The following CEP41 variants were observed in gnomAD, a reference collection of about 807,000 sequenced individuals.
CEP41 encodes centrosomal protein of 41 kDa.
Under a neutral mutation model 44.3 loss-of-function variants are expected in CEP41, and 32 were observed. That is an observed-to-expected ratio of 0.72 (90% CI 0.54 to 0.97). The LOEUF (loss-of-function observed/expected upper bound fraction) is 0.97. Among genes scored for constraint, CEP41 ranks in the 50% least tolerant of loss-of-function variants. The pLI is 0.00. For synonymous variants in CEP41, 151 were observed against 168.5 expected (o/e 0.90, Z 0.80); for missense variants, 432 against 455.2 (o/e 0.95, Z 0.46).
At chr7:130,416,102 T>C (rs1489401266) in intron 3 of CEP41, among the ~76,000 whole-genome samples, 5 of 152,250 alleles carry the variant, frequency 3.3e-5, no homozygotes, top group African/African-American at 1.2e-4. Context: ...TTCTGATGTA[T>C]TCTGGATGTG....
At chr7:130,412,029 C>A in intron 4 of CEP41, 150 bp downstream of exon 4, 1 of 719,696 alleles carries the variant, frequency 1.4e-6, no homozygotes, top group South Asian at 1.6e-5. Context: ...ACACACACAC[C>A]ACATACCAAT....
intron 1 of CEP41, among the ~76,000 whole-genome samples, chr7:130,431,722 C>G (rs1161785126): frequency 6.6e-6 from 1 of 151,958 alleles, no homozygotes; most frequent in East Asian, 1.9e-4. Flanking sequence ...AGAGGGAGTA[C>G]CAACAGTTTT....
At chr7:130,404,889 G>C (rs1554417906) in intron 5 of CEP41, among the ~76,000 whole-genome samples, 181 bp from the exon 6 acceptor site, 1 of 152,136 alleles carries the variant, frequency 6.6e-6, no homozygotes, top group African/African-American at 2.4e-5. Context: ...GGCCCTTTCA[G>C]GGGATCTGCA....
intron 2 of CEP41, chr7:130,426,902 G>A (rs1797681776): frequency 4.2e-6 from 1 of 236,284 alleles, no homozygotes; most frequent in Admixed American, 5.3e-5. Context: ...CTAAGACAGA[G>A]ATAATATTTT....
chr7:130,408,174 C>T (rs548114742), intron 5 of CEP41, among the ~76,000 whole-genome samples: 56 of 152,118 alleles, frequency 3.7e-4, no homozygotes, highest in Non-Finnish European at 6.9e-4. Context: ...TTTACATGTG[C>T]TTGCATATAT....
chr7:130,441,220 C>T, upstream of CEP41: 1 of 601,028 alleles, frequency 1.7e-6, no homozygotes, highest in Admixed American at 2.2e-5. Context: ...TGGGCTGGGG[C>T]TCGCCGGCTC....
rs1554424106 is a variant in CEP41, at chr7:130,427,954, C to T, written c.97+1G>A. On this transcript the variant is annotated splice_donor_variant, in intron 2 of 10. Transcript: ENST00000223208. LOFTEE classifies it high-confidence loss of function. ...ATTCTAATTTTCTAATCTTTACTCA[C>T]CAGTGTCCAGTCTTGATTTGATATG... 6.3e-7 allele frequency: 1 copy of T among 1,593,156 alleles called. No individual in the cohort carries two copies. Among genetic ancestry groups the T allele is most frequent in the Non-Finnish European group, 8.6e-7 (1 of 1,161,206 alleles).
At chr7:130,431,703 G>C (rs1399079095) in intron 1 of CEP41, among the ~76,000 whole-genome samples, 1 of 152,174 alleles carries the variant, frequency 6.6e-6, no homozygotes, top group Non-Finnish European at 1.5e-5. Context: ...TGGAGAAAGA[G>C]TGGAGACTAG....
intron 3 of CEP41, 91 bp downstream of exon 3, chr7:130,416,828 G>T: frequency 1.0e-6 from 1 of 1,001,522 alleles, no homozygotes; most frequent in Non-Finnish European, 1.6e-6. Flanking sequence ...CTCTGTGCCT[G>T]TCACCTGTGG....
chr7:130,395,757 A>G lies in CEP41; in HGVS notation c.*3134T>C. 2.2e-6 allele frequency: 1 copy of G among 453,732 alleles called. No individual in the cohort carries two copies. The allele number at this position is 453,732 out of a possible 1,614,324, so 28.1% of individuals were successfully genotyped here. On this transcript the variant is annotated 3_prime_UTR_variant, in exon 11 of 11. Coordinates refer to ENST00000223208, the MANE Select transcript of CEP41 (RefSeq NM_018718.3). ...AGCCTAAAGTCTTAAGAATTTTTGT[A>G]TAATTTAAATAGCACCACAGGAAAA...
At position 130,428,163 on chromosome 7, in the gene CEP41, C is replaced by T. The variant is rs141825444; in HGVS notation, c.34-145G>A. ...ATGGTGCCGGGCATGGTGGCTCACG[C>T]CTGTAATCCTAACACTTTAGGAGGC... is the stretch of plus-strand genomic sequence containing the variant. On this transcript the variant is annotated intron_variant, in intron 1 of 10. Coordinates refer to ENST00000223208, the MANE Select transcript of CEP41 (RefSeq NM_018718.3). The T allele has an allele frequency of 1.3e-3, 894 of 672,450 alleles. 11 individuals are homozygous for T. The East Asian group carries it at 0.024, about 18-fold the overall frequency. The allele number at this position is 672,450 out of a possible 1,614,324, so 41.7% of individuals were successfully genotyped here.
rs574579633 is a variant in CEP41 at position 130,419,748 on chromosome 7, A to C, written c.98-2782T>G. On this transcript the variant is annotated intron_variant, in intron 2 of 10. Transcript: ENST00000223208. ...CTCACTACCTCTTAATGTTGCCTTA[A>C]TTACTTAACTTGACAAACTCTTAGT... 21 of 985,242 alleles carry C rather than the reference A, an allele frequency of 2.1e-5. No homozygotes were observed. The African/African-American group carries it at 3.5e-4, about 16-fold the overall frequency. The allele number at this position is 985,242 out of a possible 1,614,324, so 61.0% of individuals were successfully genotyped here. A position where few individuals can be genotyped will look rare whatever the true frequency, so the allele number is the denominator to read the frequency against.
At position 130,412,233 on chromosome 7, in the gene CEP41, T is replaced by C. The variant is rs782154697; in HGVS notation, c.153A>G (p.Arg51=). 2 of 1,496,968 alleles carry C rather than the reference T, an allele frequency of 1.3e-6. No individual in the cohort carries two copies. The highest frequency in any genetic ancestry group is 3.3e-5 in the Admixed American group (2 of 59,814). 92.7% of individuals were successfully genotyped at this position (1,496,968 alleles called of 1,614,324 possible). A position where few individuals can be genotyped will look rare whatever the true frequency, so the allele number is the denominator to read the frequency against. ...EKLEEIKKNY[R]YKKDELFKRL... is the part of the protein sequence containing the mutation. ...TCTTGAAAAGCTCATCTTTTTTGTATCTATAATCTGAAAAATATGGTAAGA... is the reference window on the plus strand; with the variant it reads ...TCTTGAAAAGCTCATCTTTTTTGTACCTATAATCTGAAAAATATGGTAAGA... The change falls in exon 4 of 11, where the codon AGA becomes AGG. Residue 51 remains arginine, a synonymous_variant. Coordinates refer to ENST00000223208, the MANE Select transcript of CEP41 (RefSeq NM_018718.3).
intron 2 of CEP41, among the ~76,000 whole-genome samples, chr7:130,418,094 T>A (rs1554421234): frequency 1.3e-5 from 2 of 152,232 alleles, no homozygotes; most frequent in Non-Finnish European, 2.9e-5. Flanking sequence ...TTGTTTTCTT[T>A]TCTTTTCTTT....
chr7:130,398,884 A>G lies in CEP41; in HGVS notation c.*7T>C, dbSNP rs1408028952. 6.2e-7 allele frequency: 1 copy of G among 1,614,218 alleles called. No individual in the cohort carries two copies. Among genetic ancestry groups the G allele is most frequent in the Non-Finnish European group, 8.5e-7 (1 of 1,180,028 alleles). On this transcript the variant is annotated 3_prime_UTR_variant, in exon 11 of 11. Transcript: ENST00000223208. ...GAACATTTATTTGCCTAAGTGAGAC[A>G]AAGTCTTTACTTCCAGGGTTTGCCT...
chr7:130,438,450 C>G (rs12706931), intron 1 of CEP41, among the ~76,000 whole-genome samples: 2 of 151,774 alleles, frequency 1.3e-5, no homozygotes, highest in African/African-American at 2.4e-5. Context: ...TCTCAGCTAC[C>G]CAGGAAGCTG....
At position 130,400,136 on chromosome 7, in the gene CEP41, T is replaced by A. The variant is rs1562976857; in HGVS notation, c.876A>T (p.Pro292=). 1 of 1,613,738 alleles carries A rather than the reference T, an allele frequency of 6.2e-7. No homozygotes were observed. The highest frequency in any genetic ancestry group is 8.5e-7 in the Non-Finnish European group (1 of 1,179,806). The stretch of plus-strand genomic sequence containing the variant: ...TCCATTTATTCTCAGCTGGTAGGGG[T>A]GGCCCTTTGGGGCTGGATCGTTTCC... ...SARKRSSPKG[P]PLPAENKWRF... The change falls in exon 10 of 11, where the codon CCA becomes CCT. Residue 292 remains proline, a synonymous_variant. Coordinates refer to ENST00000223208, the MANE Select transcript of CEP41 (RefSeq NM_018718.3).
chr7:130,404,508 C>T (rs1460834566), intron 6 of CEP41, 56 bp downstream of exon 6: 9 of 1,437,082 alleles, frequency 6.3e-6, no homozygotes, highest in Admixed American at 1.7e-5. Flanking sequence ...CTGAAATTGG[C>T]GTCTAGATTA....
intron 2 of CEP41, chr7:130,419,120 T>C: frequency 1.0e-6 from 1 of 985,410 alleles, no homozygotes; most frequent in Non-Finnish European, 1.2e-6. Flanking sequence ...AGGTAGGCCA[T>C]CATGCCCTCT....
Sources: gnomAD v4.1 joint callset for allele counts (sites outside exome capture counted in the v4.1 genomes callset) on GRCh38, gnomAD v4.1.1 for gene constraint, MANE v1.5 for transcripts, NCBI Gene and HGNC (gene_info 2026-07-23, HGNC 2026-07-21) for gene names.